The following MED15 variants were observed in gnomAD, a reference collection of about 807,000 sequenced individuals.
The protein encoded by MED15 is mediator of RNA polymerase II transcription subunit 15.
In MED15, 41 loss-of-function variants were observed where a neutral mutation model predicts 118.7. The ratio of observed to expected loss-of-function variants is 0.35; its 90% confidence interval spans 0.27 to 0.45. MED15 has a LOEUF of 0.45. Among genes scored for constraint, MED15 ranks in the 20% least tolerant of loss-of-function variants. The pLI is 1.00. For missense variants in MED15, 740 were observed against 1,025.5 expected, an observed-to-expected ratio of 0.72 and a Z score of 3.80; for synonymous variants, 436 against 413.9, an observed-to-expected ratio of 1.05 and a Z score of -0.65.
At chr22:20,570,276 G>C (rs1367038697) in intron 8 of MED15, among the ~76,000 whole-genome samples, 3 of 152,036 alleles carry the variant, frequency 2.0e-5, no homozygotes, top group African/African-American at 7.2e-5. Context: ...GCCGGCCTTG[G>C]CCTCCCAAAG....
intron 4 of MED15, chr22:20,554,724 A>G: frequency 2.1e-6 from 1 of 475,510 alleles, no homozygotes; most frequent in Non-Finnish European, 3.7e-6. Context: ...AGGCCAGGCT[A>G]GAGGTATGGG....
intron 2 of MED15, among the ~76,000 whole-genome samples, chr22:20,546,433 C>T (rs1040235981): frequency 8.6e-5 from 13 of 151,772 alleles, no homozygotes; most frequent in Admixed American, 5.2e-4. Context: ...ATTATCTTTC[C>T]GATGGTTTCA....
At chr22:20,534,806 T>G (rs761539809) in intron 1 of MED15, among the ~76,000 whole-genome samples, 2 of 152,070 alleles carry the variant, frequency 1.3e-5, no homozygotes, top group Admixed American at 6.5e-5. Context: ...CGCGCGTGAG[T>G]TGGTTGTCAT....
chr22:20,537,331 C>A, intron 2 of MED15, 127 bp downstream of exon 2: 1 of 733,556 alleles, frequency 1.4e-6, no homozygotes, highest in Non-Finnish European at 2.2e-6. Context: ...CGATTGATCA[C>A]AGGCACAGTT....
At chr22:20,518,273 A>G (rs1395060066) in intron 1 of MED15, among the ~76,000 whole-genome samples, 1 of 152,188 alleles carries the variant, frequency 6.6e-6, no homozygotes, top group Non-Finnish European at 1.5e-5. Context: ...TGGGCCCTCA[A>G]TGCCAGACCA....
intron 8 of MED15, chr22:20,574,861 A>T: frequency 1.9e-6 from 1 of 514,854 alleles, no homozygotes; most frequent in Non-Finnish European, 3.5e-6. Flanking sequence ...GCAGGAGAGC[A>T]ACCAGTAGAA....
chr22:20,537,248 A>G (rs558124235), intron 2 of MED15, 44 bp downstream of exon 2: 5 of 1,563,752 alleles, frequency 3.2e-6, no homozygotes, highest in African/African-American at 1.4e-5. Context: ...AGAGACTTGG[A>G]GAGGAGAGCA....
intron 2 of MED15, among the ~76,000 whole-genome samples, chr22:20,544,665 CA>C (rs368540802): frequency 6.6e-6 from 1 of 151,860 alleles, no homozygotes; most frequent in African/African-American, 2.4e-5. Context: ...GACTCTGTCT[CA>C]AAAAAACAAA....
At chr22:20,568,780 GACACCCCTGGAGTCCTT>G in intron 8 of MED15, 149 bp downstream of exon 8, 1 of 1,347,024 alleles carries the variant, frequency 7.4e-7, no homozygotes, top group South Asian at 1.4e-5. Flanking sequence ...CACTCTGCAA[GACACCCCTGGAGTCCTT>G]GGGGTGGGCA....
intron 1 of MED15, among the ~76,000 whole-genome samples, chr22:20,509,413 C>G (rs1208184466): frequency 6.6e-6 from 1 of 152,110 alleles, no homozygotes; most frequent in Non-Finnish European, 1.5e-5. Context: ...CTTATATTCT[C>G]ACTGCTAGCT....
intron 2 of MED15, among the ~76,000 whole-genome samples, chr22:20,538,768 C>T (rs1475873907): frequency 6.6e-6 from 1 of 152,108 alleles, no homozygotes; most frequent in Non-Finnish European, 1.5e-5. Flanking sequence ...GGCACAATCT[C>T]AGCTCACTGC....
At chr22:20,537,983 G>A (rs2055145462) in intron 2 of MED15, among the ~76,000 whole-genome samples, 1 of 152,194 alleles carries the variant, frequency 6.6e-6, no homozygotes, top group African/African-American at 2.4e-5. Flanking sequence ...CTGTACTACG[G>A]ATACGTTTGA....
intron 1 of MED15, 101 bp from the exon 2 acceptor site, chr22:20,537,015 CT>C: frequency 9.3e-7 from 1 of 1,072,374 alleles, no homozygotes; most frequent in Non-Finnish European, 1.4e-6. Flanking sequence ...GCGATAGCAC[CT>C]TGTCACCAGG....
intron 1 of MED15, among the ~76,000 whole-genome samples, chr22:20,532,300 G>A (rs565301497): frequency 6.6e-6 from 1 of 152,332 alleles, no homozygotes; most frequent in Non-Finnish European, 1.5e-5. Flanking sequence ...CTTGGTGCTG[G>A]GAGATGAAGA....
chr22:20,519,655 A>G (rs907253586), intron 1 of MED15, among the ~76,000 whole-genome samples: 2 of 152,014 alleles, frequency 1.3e-5, no homozygotes, highest in Non-Finnish European at 2.9e-5. Context: ...GGGCTTCACC[A>G]TATTGGCCAA....
At chr22:20,553,084 G>A (rs1408944329) in intron 3 of MED15, 61 bp from the exon 4 acceptor site, 7 of 1,521,386 alleles carry the variant, frequency 4.6e-6, no homozygotes, top group Non-Finnish European at 6.4e-6. Flanking sequence ...CCTACCCATG[G>A]AAATATGTGG....
chr22:20,578,124 C>G (rs1207608564), intron 9 of MED15, among the ~76,000 whole-genome samples: 5 of 152,250 alleles, frequency 3.3e-5, no homozygotes, highest in East Asian at 1.9e-4. Context: ...GGGGTTTCAC[C>G]ATGTTGGCCA....
At chr22:20,512,595 T>TC (rs1478664818) in intron 1 of MED15, among the ~76,000 whole-genome samples, 2 of 143,952 alleles carry the variant, frequency 1.4e-5, no homozygotes, top group Admixed American at 6.9e-5. Flanking sequence ...CTCTTTTTTT[T>TC]TTTTTTTTTT....
chr22:20,575,340 G>T, intron 9 of MED15, 108 bp downstream of exon 9: 4 of 1,383,454 alleles, frequency 2.9e-6, no homozygotes, highest in South Asian at 1.5e-5. Flanking sequence ...CTTTTATGGT[G>T]GCTTTCAGAG....
Sources: allele counts gnomAD v4.1 joint callset (sites outside exome capture counted in the v4.1 genomes callset), GRCh38; gene constraint gnomAD v4.1.1; transcripts MANE v1.5; gene names NCBI Gene and HGNC (gene_info 2026-07-23, HGNC 2026-07-21).